PTGR2: variants seen among roughly 807,000 people sequenced by gnomAD.
The protein encoded by PTGR2 is 15-oxoprostaglandin 13-reductase.
A neutral mutation model predicts 43.4 loss-of-function variants in PTGR2; 32 were observed. The observed-to-expected ratio is 0.74, with a 90% confidence interval of 0.56 to 0.99. The LOEUF (loss-of-function observed/expected upper bound fraction) is 0.99. Ranked by LOEUF, PTGR2 falls within the 50% of genes least tolerant of loss-of-function variation. The pLI, the probability that PTGR2 is intolerant of heterozygous loss-of-function variation, is 0.00. For synonymous variants in PTGR2, 106 were observed against 139.2 expected (o/e 0.76, Z 1.68); for missense variants, 373 against 420.0 (o/e 0.89, Z 0.98).
At chr14:73,876,555 C>T (rs1442365333) in intron 4 of PTGR2, among the ~76,000 whole-genome samples, 1 of 142,666 alleles carries the variant, frequency 7.0e-6, no homozygotes, top group Non-Finnish European at 1.5e-5. Context: ...GATCTCAGCT[C>T]ACTGCAACCT....
intron 3 of PTGR2, among the ~76,000 whole-genome samples, chr14:73,866,191 C>T (rs533453523): frequency 5.9e-5 from 9 of 152,116 alleles, no homozygotes; most frequent in Admixed American, 2.6e-4. Flanking sequence ...TTAGCAGAGA[C>T]GGGGTTTCAC....
Position 73,877,970 on chromosome 14 carries a change from C to T in PTGR2, c.519+802C>T, listed in dbSNP as rs1436868024. On this transcript the variant is annotated intron_variant, in intron 5 of 9. Coordinates refer to ENST00000555661, the MANE Select transcript of PTGR2 (RefSeq NM_001146154.2). ...GAAAGGAGCACAAGACCAGCCTGGG[C>T]AACATAGTAAGACTCTTCAGTAAAT... The T allele has an allele frequency of 2.0e-5, 3 of 152,128 alleles. No individual in the cohort carries two copies. The East Asian group carries it at 5.8e-4, about 29-fold the overall frequency. 9.4% of individuals were successfully genotyped at this position (152,128 alleles called of 1,614,324 possible).
chr14:73,855,932 T>A (rs2054335090), intron 1 of PTGR2, among the ~76,000 whole-genome samples: 3 of 151,208 alleles, frequency 2.0e-5, no homozygotes, highest in Admixed American at 2.0e-4. Flanking sequence ...GGCACGCACC[T>A]GTAATCCCAG....
intron 1 of PTGR2, chr14:73,857,912 A>AC (rs1462029422): frequency 1.3e-5 from 2 of 151,322 alleles, no homozygotes; most frequent in East Asian, 4.0e-4. Context: ...CTTGTGATCC[A>AC]CCCGCCTCGG....
intron 9 of PTGR2, among the ~76,000 whole-genome samples, chr14:73,882,971 C>G (rs180928085): frequency 6.6e-6 from 1 of 150,702 alleles, no homozygotes; most frequent in South Asian, 2.1e-4. Context: ...CAGGCGTGCA[C>G]TGGTATGCCT....
At chr14:73,854,426 G>GT (rs964818674) in intron 1 of PTGR2, among the ~76,000 whole-genome samples, 5 of 152,008 alleles carry the variant, frequency 3.3e-5, no homozygotes, top group Non-Finnish European at 2.9e-5. Flanking sequence ...TGAAATGTGT[G>GT]TTTTTTTGGT....
intron 3 of PTGR2, among the ~76,000 whole-genome samples, chr14:73,863,493 T>TA (rs527813299): frequency 2.3e-4 from 35 of 152,212 alleles, no homozygotes; most frequent in African/African-American, 7.2e-4. Flanking sequence ...TAAAATTTTT[T>TA]AAAAAAACAT....
At position 73,877,169 on chromosome 14, in the gene PTGR2, G is replaced by A. The variant is rs1192186975; in HGVS notation, c.519+1G>A. The A allele has an allele frequency of 6.3e-7, 1 of 1,593,774 alleles. No individual in the cohort carries two copies. The highest frequency in any genetic ancestry group is 8.5e-7 in the Non-Finnish European group (1 of 1,173,140). ...TGCCTGTGGATCTGTGGCTGGGCAG[G>A]TAAACTTTCTGAGAATTATTTGATT... On this transcript the variant is annotated splice_donor_variant, in intron 5 of 9. Coordinates refer to ENST00000555661, the MANE Select transcript of PTGR2 (RefSeq NM_001146154.2). LOFTEE classifies it high-confidence loss of function.
At position 73,884,522 on chromosome 14, in the gene PTGR2, T is replaced by G. The variant is rs2055081068; in HGVS notation, c.*345T>G. The stretch of plus-strand genomic sequence containing the variant: ...TAAAATTAATATTAATAACTTTTAT[T>G]AATTTAAAATAGAATGCTTAAAATA... On this transcript the variant is annotated 3_prime_UTR_variant, in exon 10 of 10. Coordinates refer to ENST00000555661, the MANE Select transcript of PTGR2 (RefSeq NM_001146154.2). 1 of 154,216 alleles carries G rather than the reference T, an allele frequency of 6.5e-6. No homozygotes were observed. Among genetic ancestry groups the G allele is most frequent in the African/African-American group, 2.4e-5 (1 of 41,520 alleles). 9.6% of individuals were successfully genotyped at this position (154,216 alleles called of 1,614,324 possible). A position where few individuals can be genotyped will look rare whatever the true frequency, so the allele number is the denominator to read the frequency against.
chr14:73,878,798 A>G, intron 5 of PTGR2: 1 of 366,066 alleles, frequency 2.7e-6, no homozygotes, highest in Non-Finnish European at 5.1e-6. Context: ...GGTTAGGTAT[A>G]TTAAATGCAT....
At chr14:73,877,520 C>T (rs943558403) in intron 5 of PTGR2, 1 of 160,108 alleles carries the variant, frequency 6.2e-6, no homozygotes, top group Non-Finnish European at 1.4e-5. Context: ...CTGCTTCGGC[C>T]TCCCAAAGTT....
chr14:73,879,571 A>T, intron 6 of PTGR2: 1 of 396,958 alleles, frequency 2.5e-6, no homozygotes, highest in Non-Finnish European at 4.6e-6. Flanking sequence ...GAAAAATTAC[A>T]GTTGCATTGT....
intron 1 of PTGR2, among the ~76,000 whole-genome samples, chr14:73,855,199 G>A (rs569852171): frequency 2.0e-5 from 3 of 152,216 alleles, no homozygotes; most frequent in Non-Finnish European, 2.9e-5. Context: ...ATCCTGAAAC[G>A]TCAGGAAATT....
chr14:73,869,472 C>T (rs940644483), intron 3 of PTGR2, among the ~76,000 whole-genome samples: 8 of 149,910 alleles, frequency 5.3e-5, no homozygotes, highest in African/African-American at 1.5e-4. Flanking sequence ...CACTTGAGCC[C>T]GGGAAGTGGG....
At chr14:73,882,493 C>G in intron 9 of PTGR2, 55 bp downstream of exon 9, 1 of 1,173,138 alleles carries the variant, frequency 8.5e-7, no homozygotes. Context: ...AAGATAAAGT[C>G]TCTTTATTTT....
At chr14:73,877,372 C>G in intron 5 of PTGR2, 1 of 437,092 alleles carries the variant, frequency 2.3e-6, no homozygotes, top group Non-Finnish European at 4.1e-6. Context: ...TCAAGAGATT[C>G]TCATGCCTTA....
rs1292023592 is a variant in PTGR2 at position 73,851,888 on chromosome 14, A to C, written c.-103A>C. The stretch of plus-strand genomic sequence containing the variant: ...GCCTGGGGGCGAGCTGGGGTCGTGC[A>C]GTACAGCCTCTTTCCGGCAAATCAC... On this transcript the variant is annotated 5_prime_UTR_variant, in exon 1 of 10. Coordinates refer to ENST00000555661, the MANE Select transcript of PTGR2 (RefSeq NM_001146154.2). 1.3e-5 allele frequency: 2 copies of C among 152,258 alleles called. No individual in the cohort carries two copies. Among genetic ancestry groups the C allele is most frequent in the Non-Finnish European group, 2.9e-5 (2 of 68,100 alleles). The allele number at this position is 152,258 out of a possible 1,614,324, so 9.4% of individuals were successfully genotyped here.
intron 3 of PTGR2, among the ~76,000 whole-genome samples, chr14:73,862,194 C>CT (rs1189751770): frequency 9.4e-5 from 14 of 149,266 alleles, no homozygotes; most frequent in East Asian, 2.0e-4. Flanking sequence ...TTTTTATTAA[C>CT]TTTTGTTGTT....
intron 6 of PTGR2, chr14:73,879,533 A>G (rs1478671599): frequency 4.3e-6 from 2 of 469,640 alleles, no homozygotes; most frequent in Non-Finnish European, 7.5e-6. Flanking sequence ...TACCAATATT[A>G]TATTTTTCAC....
Sources: allele counts gnomAD v4.1 joint callset (sites outside exome capture counted in the v4.1 genomes callset), GRCh38; gene constraint gnomAD v4.1.1; transcripts MANE v1.5; gene names NCBI Gene and HGNC (gene_info 2026-07-23, HGNC 2026-07-21).